ATP2B4: variants seen among roughly 807,000 people sequenced by gnomAD.
The protein encoded by ATP2B4 is plasma membrane calcium-transporting ATPase 4.
A neutral mutation model predicts 110.3 loss-of-function variants in ATP2B4; 39 were observed. The observed-to-expected ratio is 0.35, with a 90% confidence interval of 0.27 to 0.46. The LOEUF is 0.46. ATP2B4 is among the 20% of genes least tolerant of loss of function. The pLI is 1.00. For synonymous variants in ATP2B4, 538 were observed against 571.7 expected, an observed-to-expected ratio of 0.94 and a Z score of 0.84; for missense variants, 1,135 against 1,530.9, an observed-to-expected ratio of 0.74 and a Z score of 4.32.
intron 11 of ATP2B4, among the ~76,000 whole-genome samples, chr1:203,710,325 G>C (rs1327726819): frequency 1.3e-5 from 2 of 151,612 alleles, no homozygotes; most frequent in African/African-American, 4.9e-5. Flanking sequence ...AGCTGAGATC[G>C]CACCACTGCA....
chr1:203,645,825 G>A (rs1038531465), intron 1 of ATP2B4, among the ~76,000 whole-genome samples: 4 of 151,956 alleles, frequency 2.6e-5, no homozygotes, highest in African/African-American at 7.2e-5. Flanking sequence ...TCCTGACCTC[G>A]TGATCCATCT....
At chr1:203,667,950 G>A (rs1229678099) in intron 1 of ATP2B4, among the ~76,000 whole-genome samples, 2 of 152,192 alleles carry the variant, frequency 1.3e-5, no homozygotes, top group Non-Finnish European at 2.9e-5. Flanking sequence ...TGTTAGACTG[G>A]AGGAACTGGG....
Position 203,672,324 on chromosome 1 carries a change from CTTTTTTTTTT to C in ATP2B4, c.-464-10395_-464-10386del, listed in dbSNP as rs57144862. Among the ~76,000 whole-genome samples the C allele has an allele frequency of 2.7e-3, 215 of 79,600 alleles. 1 individual carries two copies. Among genetic ancestry groups the C allele is most frequent in the African/African-American group, 0.011 (195 of 17,448 alleles). The allele number at this position is 79,600 out of a possible 152,430, so 52.2% of individuals were successfully genotyped here. Reference sequence around the variant, plus strand: ...TGTTCCTGAGTAAGTTGCGGTGGCTCTTTTTTTTTTTTTTTTTTTTTTTTTTTTTTTTAAA... The same window carrying C: ...TGTTCCTGAGTAAGTTGCGGTGGCTCTTTTTTTTTTTTTTTTTTTTTTAAA... On this transcript the variant is annotated intron_variant, in intron 1 of 20. Coordinates refer to ENST00000357681, the MANE Select transcript of ATP2B4 (RefSeq NM_001684.5).
chr1:203,645,592 T>TC (rs1169069228), intron 1 of ATP2B4, among the ~76,000 whole-genome samples: 1 of 146,770 alleles, frequency 6.8e-6, no homozygotes, highest in Non-Finnish European at 1.5e-5. Context: ...TTTTCTTTCT[T>TC]TTTTTTTTTT....
chr1:203,731,495 C>T (rs1239485254), intron 20 of ATP2B4, among the ~76,000 whole-genome samples: 1 of 152,070 alleles, frequency 6.6e-6, no homozygotes, highest in African/African-American at 2.4e-5. Context: ...GTCCTTGTTA[C>T]TTAGGGGTCA....
intron 1 of ATP2B4, among the ~76,000 whole-genome samples, chr1:203,682,114 G>A (rs1044002922): frequency 3.3e-5 from 5 of 152,188 alleles, no homozygotes; most frequent in Admixed American, 2.0e-4. Context: ...GTACTCTAAC[G>A]GGCTTTGGAG....
chr1:203,628,071 C>A lies in ATP2B4; in HGVS notation c.-465+852C>A, dbSNP rs572369482. On this transcript the variant is annotated intron_variant, in intron 1 of 20. Transcript: ENST00000357681. The stretch of plus-strand genomic sequence containing the variant: ...AAGTTTCCGATGTCGAGGCTGGACA[C>A]TGTGGGGCTGGTGAGTGTTTGGCAG... 1.8e-4 allele frequency among the ~76,000 whole-genome samples: 27 copies of A among 152,264 alleles called. No homozygotes were observed. The South Asian group carries it at 5.6e-3, about 32-fold the overall frequency.
At chr1:203,688,596 G>A (rs961444898) in intron 2 of ATP2B4, among the ~76,000 whole-genome samples, 16 of 152,154 alleles carry the variant, frequency 1.1e-4, no homozygotes, top group East Asian at 9.7e-4. Flanking sequence ...GCCCTCATGC[G>A]CAGCCTCAGC....
chr1:203,723,897 T>A lies in ATP2B4; in HGVS notation c.3041T>A (p.Phe1014Tyr). The change falls in exon 19 of 21, where the codon TTT (phenylalanine) becomes TAT (tyrosine). Residue 1014 changes from phenylalanine to tyrosine, a missense_variant. Around this residue, in one of 9 missense-constraint regions of ATP2B4, gnomAD observed 155 missense variants for 186.2 expected, o/e 0.83. Transcript: ENST00000357681. ...CTGTTCTAGATTTTCATCGTGGAAT[T>A]TGGGGGTAAACCCTTCAGTTGTACA... ...TFICQIFIVE[F>Y]GGKPFSCTSL... 6.2e-7 allele frequency: 1 copy of A among 1,607,368 alleles called. No individual in the cohort carries two copies. The highest frequency in any genetic ancestry group is 8.5e-7 in the Non-Finnish European group (1 of 1,177,296).
At chr1:203,738,218 AC>A (rs974922702) in intron 20 of ATP2B4, among the ~76,000 whole-genome samples, 4 of 151,666 alleles carry the variant, frequency 2.6e-5, no homozygotes, top group Admixed American at 1.3e-4. Flanking sequence ...AACAACTAGA[AC>A]CGTCCTACAA....
intron 1 of ATP2B4, chr1:203,657,575 C>A: frequency 1.1e-6 from 1 of 931,686 alleles, no homozygotes; most frequent in Non-Finnish European, 1.8e-6. Context: ...TTTGTATTTT[C>A]TCAGCATGAC....
At chr1:203,683,666 C>CTTTTTTTT (rs11326748) in intron 2 of ATP2B4, among the ~76,000 whole-genome samples, 580 of 77,236 alleles carry the variant, frequency 7.5e-3, no homozygotes, top group Middle Eastern at 0.027. Context: ...TCTTTTGTTT[C>CTTTTTTTT]TTTTTTTTTT....
Position 203,727,522 on chromosome 1 carries a change from G to A in ATP2B4, c.3260G>A (p.Arg1087His), listed in dbSNP as rs1438215419. 4 of 1,614,204 alleles carry A rather than the reference G, an allele frequency of 2.5e-6. No individual in the cohort carries two copies. Among genetic ancestry groups the A allele is most frequent in the Non-Finnish European group, 3.4e-6 (4 of 1,180,012 alleles). ...DEIDHAEMEL[R>H]RGQILWFRGL... ...ATTGACCATGCTGAGATGGAGCTGC[G>A]CCGAGGCCAGATCCTCTGGTTCCGG... Residue 1087 changes from arginine (R) to histidine (H), a missense_variant, in exon 20 of 21, where the codon CGC (arginine) becomes CAC (histidine). Arg to His is a conservative substitution (Grantham distance 29). Around this residue, in one of 9 missense-constraint regions of ATP2B4, gnomAD observed 61 missense variants for 123.4 expected, o/e 0.49. Transcript: ENST00000357681.
intron 8 of ATP2B4, among the ~76,000 whole-genome samples, chr1:203,704,869 C>A (rs1196188689): frequency 6.6e-6 from 1 of 152,120 alleles, no homozygotes; most frequent in East Asian, 1.9e-4. Context: ...CTTTATACAG[C>A]TGTATACAAC....
intron 1 of ATP2B4, among the ~76,000 whole-genome samples, chr1:203,651,840 C>T (rs1295641846): frequency 6.6e-6 from 1 of 151,800 alleles, no homozygotes; most frequent in African/African-American, 2.4e-5. Flanking sequence ...GGGGGATCAC[C>T]TGAGGTCAGG....
intron 20 of ATP2B4, among the ~76,000 whole-genome samples, chr1:203,731,429 T>C (rs1330893122): frequency 6.6e-6 from 1 of 152,166 alleles, no homozygotes; most frequent in Admixed American, 6.5e-5. Flanking sequence ...CAGATAGATA[T>C]TTCTAAGATT....
chr1:203,736,996 G>A (rs776656334), intron 20 of ATP2B4, among the ~76,000 whole-genome samples: 1 of 152,156 alleles, frequency 6.6e-6, no homozygotes, highest in Non-Finnish European at 1.5e-5. Context: ...ACAGGTGGCT[G>A]GTTTCCCTTT....
At chr1:203,667,424 G>A (rs1211633975) in intron 1 of ATP2B4, among the ~76,000 whole-genome samples, 1 of 152,226 alleles carries the variant, frequency 6.6e-6, no homozygotes, top group Non-Finnish European at 1.5e-5. Flanking sequence ...CTGGAGTAAG[G>A]TTCTGGAGTG....
At chr1:203,714,063 G>A in intron 14 of ATP2B4, 108 bp from the exon 15 acceptor site, 1 of 1,100,138 alleles carries the variant, frequency 9.1e-7, no homozygotes, top group South Asian at 1.3e-5. Context: ...GAACTTCTAG[G>A]AAAGGGAAAA....
Sources: gnomAD v4.1 joint callset for allele counts (sites outside exome capture counted in the v4.1 genomes callset) on GRCh38, gnomAD v4.1.1 for gene constraint, gnomAD v4.1.1 regional missense constraint, MANE v1.5 for transcripts, NCBI Gene and HGNC (gene_info 2026-07-23, HGNC 2026-07-21) for gene names.